The following B3GALT1 variants were observed in gnomAD, a reference collection of about 807,000 sequenced individuals.
B3GALT1 encodes beta-1,3-galactosyltransferase 1.
A neutral mutation model predicts 23.2 loss-of-function variants in B3GALT1; 10 were observed. That is an observed-to-expected ratio of 0.43 (90% CI 0.27 to 0.73). The LOEUF (loss-of-function observed/expected upper bound fraction) is 0.73. B3GALT1 is among the 30% of genes least tolerant of loss of function. The pLI, the probability that B3GALT1 is intolerant of heterozygous loss-of-function variation, is 0.21. For synonymous variants in B3GALT1, 156 were observed against 141.5 expected (o/e 1.10, Z -0.73); for missense variants, 299 against 405.4 (o/e 0.74, Z 2.25).
chr2:167,604,463 C>T (rs1012277301), intron 2 of B3GALT1, among the ~76,000 whole-genome samples: 12 of 152,174 alleles, frequency 7.9e-5, no homozygotes, highest in African/African-American at 2.9e-4. Context: ...CGCATAATCA[C>T]TTTGTTTTGT....
intron 3 of B3GALT1, among the ~76,000 whole-genome samples, chr2:167,788,512 C>G (rs913495672): frequency 4.6e-5 from 7 of 151,990 alleles, no homozygotes; most frequent in African/African-American, 1.7e-4. Flanking sequence ...CAACCTAGAT[C>G]CCTTACATGC....
chr2:167,858,264 C>CA (rs1270573120), intron 4 of B3GALT1, among the ~76,000 whole-genome samples: 1 of 146,518 alleles, frequency 6.8e-6, no homozygotes, highest in Admixed American at 6.9e-5. Context: ...TAGGCTCTGT[C>CA]AAGTAAAATT....
rs1690388978 is a variant in B3GALT1 at position 167,873,466 on chromosome 2, T to C, written c.*3446T>C. On this transcript the variant is annotated 3_prime_UTR_variant, in exon 5 of 5. Coordinates refer to ENST00000392690, the MANE Select transcript of B3GALT1 (RefSeq NM_020981.4). ...ATTTACAGAGGAGCCAAGGAAGAAG[T>C]TTTTCGATCAAATCTCTTCTATCAA... 1 of 152,100 alleles carries C rather than the reference T, an allele frequency of 6.6e-6. No individual in the cohort carries two copies. Among genetic ancestry groups the C allele is most frequent in the Admixed American group, 6.6e-5 (1 of 15,262 alleles). The allele number at this position is 152,100 out of a possible 1,614,324, so 9.4% of individuals were successfully genotyped here.
intron 2 of B3GALT1, among the ~76,000 whole-genome samples, chr2:167,564,594 A>G (rs1258430843): frequency 6.6e-6 from 1 of 152,010 alleles, no homozygotes; most frequent in Non-Finnish European, 1.5e-5. Flanking sequence ...AGTGAACGAG[A>G]CTCCGTCTGC....
chr2:167,812,511 T>C (rs1688910324), intron 3 of B3GALT1, among the ~76,000 whole-genome samples: 3 of 152,196 alleles, frequency 2.0e-5, no homozygotes, highest in African/African-American at 7.2e-5. Flanking sequence ...TAAAATTTTA[T>C]AGGTAGATAT....
intron 3 of B3GALT1, among the ~76,000 whole-genome samples, chr2:167,729,920 T>G (rs952051694): frequency 1.2e-4 from 19 of 152,086 alleles, no homozygotes; most frequent in Non-Finnish European, 4.4e-5. Flanking sequence ...CTCCTCCAAT[T>G]AGACCCATTT....
intron 2 of B3GALT1, among the ~76,000 whole-genome samples, chr2:167,550,086 C>T (rs1367707860): frequency 6.6e-6 from 1 of 152,168 alleles, no homozygotes; most frequent in Non-Finnish European, 1.5e-5. Flanking sequence ...TTATCACTAA[C>T]TCTACGTTAA....
intron 1 of B3GALT1, among the ~76,000 whole-genome samples, chr2:167,370,649 AT>A (rs1479347087): frequency 3.6e-4 from 55 of 151,898 alleles, no homozygotes; most frequent in Admixed American, 1.3e-3. Flanking sequence ...TAATTTTCTA[AT>A]TATTTGGTTG....
chr2:167,591,129 T>C (rs1414329891), intron 2 of B3GALT1, among the ~76,000 whole-genome samples: 1 of 152,154 alleles, frequency 6.6e-6, no homozygotes, highest in Non-Finnish European at 1.5e-5. Flanking sequence ...ATAAATCTGA[T>C]GTTGCTAAGT....
At chr2:167,575,712 T>G (rs1161556591) in intron 2 of B3GALT1, among the ~76,000 whole-genome samples, 1 of 151,888 alleles carries the variant, frequency 6.6e-6, no homozygotes, top group Admixed American at 6.6e-5. Context: ...CACCTTTTAA[T>G]TGAAGTTTTA....
chr2:167,835,287 G>C (rs1029478727), intron 4 of B3GALT1, among the ~76,000 whole-genome samples: 2 of 152,190 alleles, frequency 1.3e-5, no homozygotes, highest in African/African-American at 4.8e-5. Flanking sequence ...GTCAAAGAAA[G>C]GGGTGACAGA....
rs182576263 is a variant in B3GALT1, at chr2:167,431,123, T to C, written c.-510-59054T>C. On this transcript the variant is annotated intron_variant, in intron 1 of 4. Coordinates refer to ENST00000392690, the MANE Select transcript of B3GALT1 (RefSeq NM_020981.4). ...CAATTGAGTGGATAGTACAATTAAT[T>C]ATCCACAATGAAAATGAAAGAAACA... Among the ~76,000 whole-genome samples, 413 of 152,342 alleles carry C rather than the reference T, an allele frequency of 2.7e-3. 1 individual carries two copies. Among genetic ancestry groups the C allele is most frequent in the African/African-American group, 9.2e-3 (382 of 41,574 alleles).
chr2:167,647,759 C>T (rs1325952002), intron 3 of B3GALT1, among the ~76,000 whole-genome samples: 2 of 151,850 alleles, frequency 1.3e-5, no homozygotes, highest in East Asian at 3.9e-4. Context: ...AGAGTTTCTG[C>T]TCTCCTTTTA....
chr2:167,633,194 A>G (rs1293118587), intron 2 of B3GALT1, among the ~76,000 whole-genome samples: 2 of 151,970 alleles, frequency 1.3e-5, no homozygotes, highest in Admixed American at 1.3e-4. Flanking sequence ...GAACACCACA[A>G]AGATAATCCT....
intron 3 of B3GALT1, among the ~76,000 whole-genome samples, chr2:167,782,292 G>A (rs77453737): frequency 5.7e-4 from 87 of 152,274 alleles, no homozygotes; most frequent in African/African-American, 1.9e-3. Context: ...CGATGCCCCT[G>A]GTGACTTTAT....
chr2:167,836,572 G>A (rs987778271), intron 4 of B3GALT1, among the ~76,000 whole-genome samples: 37 of 152,126 alleles, frequency 2.4e-4, no homozygotes, highest in African/African-American at 8.7e-4. Flanking sequence ...GAAAGTGATG[G>A]GGAGAATGGA....
intron 1 of B3GALT1, among the ~76,000 whole-genome samples, chr2:167,426,513 G>T (rs1053238325): frequency 5.3e-5 from 8 of 152,040 alleles, no homozygotes; most frequent in African/African-American, 1.2e-4. Context: ...TTGACCTCAG[G>T]TGATCCACCC....
chr2:167,568,546 C>T (rs966601330), intron 2 of B3GALT1, among the ~76,000 whole-genome samples: 2 of 152,008 alleles, frequency 1.3e-5, no homozygotes, highest in African/African-American at 4.8e-5. Flanking sequence ...AGTGAGTTAC[C>T]TGTTAAGGAC....
At position 167,869,666 on chromosome 2, in the gene B3GALT1, T is replaced by G. The variant is rs35398738; in HGVS notation, c.627T>G (p.Asn209Lys). The change falls in exon 5 of 5, where the codon AAT (asparagine) becomes AAG (lysine). Residue 209 changes from asparagine to lysine, a missense_variant. Around this residue, in one of 3 missense-constraint regions of B3GALT1, gnomAD observed 133 missense variants for 204.8 expected, o/e 0.65. Coordinates refer to ENST00000392690, the MANE Select transcript of B3GALT1 (RefSeq NM_020981.4). This position sits in a 1 kb window ranked among gnomAD's most constrained non-coding sequence, Gnocchi z 6.4. ...GGTATTTTACTGGCTATGTCATTAA[T>G]GGAGGACCGATTCGGGATGTCCGCA... is the stretch of plus-strand genomic sequence containing the variant. ...RRRYFTGYVI[N>K]GGPIRDVRSK... 1 of 1,614,064 alleles carries G rather than the reference T, an allele frequency of 6.2e-7. No individual in the cohort carries two copies. The highest frequency in any genetic ancestry group is 1.3e-5 in the African/African-American group (1 of 74,926).
Sources: allele counts gnomAD v4.1 joint callset (sites outside exome capture counted in the v4.1 genomes callset), GRCh38; gene constraint gnomAD v4.1.1; regional missense constraint gnomAD v4.1.1; non-coding constraint Gnocchi (gnomAD v3.1); transcripts MANE v1.5; gene names NCBI Gene and HGNC (gene_info 2026-07-23, HGNC 2026-07-21).